Variants in CACNA2D1 observed in about 807,000 individuals in gnomAD.
CACNA2D1 encodes voltage-dependent calcium channel subunit alpha-2/delta-1.
CACNA2D1 carries 53 observed loss-of-function variants against 171.5 expected under a neutral mutation model. The ratio of observed to expected loss-of-function variants is 0.31; its 90% CI spans 0.25 to 0.39. CACNA2D1 has a LOEUF of 0.39. Ranked by LOEUF, CACNA2D1 falls within the 10% of genes least tolerant of loss-of-function variation. The pLI, the probability that CACNA2D1 is intolerant of heterozygous loss-of-function variation, is 1.00. For missense variants in CACNA2D1, 903 were observed against 1,299.8 expected (o/e 0.69, Z 4.69); for synonymous variants, 442 against 443.1 (o/e 1.00, Z 0.03).
At position 82,052,929 on chromosome 7, in the gene CACNA2D1, T is replaced by G. The variant is rs1325948722; in HGVS notation, c.879+7499A>C. On this transcript the variant is annotated intron_variant, in intron 10 of 38. Transcript: ENST00000356860. ...GGGTTGCTGTAAAGACTAAACAAAT[T>G]ACTATGAAAAACACTTAGAACAGTG... Among the ~76,000 whole-genome samples the G allele has an allele frequency of 2.6e-5, 4 of 152,104 alleles. No individual in the cohort carries two copies. In the East Asian group the frequency reaches 5.8e-4, roughly 22 times the overall value.
chr7:82,177,406 T>C (rs1392567785), intron 3 of CACNA2D1, among the ~76,000 whole-genome samples: 4 of 152,044 alleles, frequency 2.6e-5, no homozygotes, highest in Non-Finnish European at 5.9e-5. Flanking sequence ...ATAGGCTACA[T>C]GCAAAGAGAA....
At chr7:82,192,481 T>A (rs1798419215) in intron 3 of CACNA2D1, among the ~76,000 whole-genome samples, 1 of 112,118 alleles carries the variant, frequency 8.9e-6, no homozygotes, top group South Asian at 3.0e-4. Flanking sequence ...TGTGTGTGTG[T>A]GTGTGTGTGT....
Position 82,001,710 on chromosome 7 carries a change from A to G in CACNA2D1, c.1590+3713T>C, listed in dbSNP as rs1486871415. 2.4e-6 allele frequency: 3 copies of G among 1,233,062 alleles called. No individual in the cohort carries two copies. In the South Asian group the frequency reaches 3.7e-5, roughly 15 times the overall value. The allele number at this position is 1,233,062 out of a possible 1,614,324, so 76.4% of individuals were successfully genotyped here. A position where few individuals can be genotyped will look rare whatever the true frequency, so the allele number is the denominator to read the frequency against. ...AATTAATTGTTGGTATACCTACACC[A>G]ATAGGCTGAAGCAACAGAAAAATGG... On this transcript the variant is annotated intron_variant, in intron 18 of 38. Coordinates refer to ENST00000356860, the MANE Select transcript of CACNA2D1 (RefSeq NM_000722.4).
rs1584331322 is a variant in CACNA2D1 at position 81,994,935 on chromosome 7, C to T, written c.1667G>A (p.Arg556Gln). ...ACTTTCCCCATCAATCATCTTATTT[C>T]GAATCTAAGAGTAAATGAAACAACT... Reference protein sequence around the residue: ...ELENDIKVEIRNKMIDGESGE... With the variant: ...ELENDIKVEIQNKMIDGESGE... Residue 556 changes from arginine to glutamine, a missense_variant, in exon 20 of 39, where the codon CGA becomes CAA. Physicochemically the swap from Arg to Gln is conservative, Grantham distance 43. This residue lies in a region of CACNA2D1 where 623 missense variants were observed against 925.5 expected (regional missense o/e 0.67). Transcript: ENST00000356860. 1.3e-6 allele frequency: 2 copies of T among 1,511,372 alleles called. No individual in the cohort carries two copies. Among genetic ancestry groups the T allele is most frequent in the South Asian group, 1.1e-5 (1 of 88,838 alleles). 93.6% of individuals were successfully genotyped at this position (1,511,372 alleles called of 1,614,324 possible).
intron 3 of CACNA2D1, among the ~76,000 whole-genome samples, chr7:82,204,412 C>T (rs559445353): frequency 3.7e-4 from 56 of 152,288 alleles, no homozygotes; most frequent in African/African-American, 1.3e-3. Context: ...CCTTCTCCAA[C>T]CAGGTATGCG....
intron 1 of CACNA2D1, among the ~76,000 whole-genome samples, chr7:82,418,719 A>T (rs575193033): frequency 1.3e-3 from 199 of 152,242 alleles, no homozygotes; most frequent in Non-Finnish European, 1.9e-3. Context: ...CATTTACAGA[A>T]AAAGTAGACC....
chr7:82,414,431 T>A (rs969666747), intron 1 of CACNA2D1, among the ~76,000 whole-genome samples: 4 of 152,134 alleles, frequency 2.6e-5, no homozygotes, highest in Non-Finnish European at 5.9e-5. Flanking sequence ...CACACACATA[T>A]TACAGAAGTG....
At chr7:82,392,504 C>T (rs950443735) in intron 1 of CACNA2D1, among the ~76,000 whole-genome samples, 5 of 152,206 alleles carry the variant, frequency 3.3e-5, no homozygotes, top group Non-Finnish European at 7.3e-5. Flanking sequence ...GGGGCTGGGA[C>T]ACACTCTGCC....
intron 38 of CACNA2D1, among the ~76,000 whole-genome samples, chr7:81,954,286 AAG>A (rs1407236596): frequency 2.0e-5 from 3 of 151,976 alleles, no homozygotes; most frequent in African/African-American, 7.2e-5. Flanking sequence ...AAAATGGAAA[AAG>A]AATGCAGTGC....
chr7:82,011,861 T>TA (rs982558401), intron 15 of CACNA2D1, among the ~76,000 whole-genome samples: 68 of 152,272 alleles, frequency 4.5e-4, no homozygotes, highest in African/African-American at 1.6e-3. Flanking sequence ...CATTAACAAT[T>TA]AAAAAACTTA....
At chr7:82,356,405 C>T (rs953928144) in intron 1 of CACNA2D1, among the ~76,000 whole-genome samples, 1 of 152,134 alleles carries the variant, frequency 6.6e-6, no homozygotes, top group Non-Finnish European at 1.5e-5. Flanking sequence ...GGATAAATCA[C>T]ACTAATATTC....
chr7:82,443,216 C>T, intron 1 of CACNA2D1, 149 bp downstream of exon 1: 2 of 680,740 alleles, frequency 2.9e-6, no homozygotes, highest in Non-Finnish European at 4.4e-6. Flanking sequence ...GCACCGCCTG[C>T]CCGGCGTCTC....
intron 3 of CACNA2D1, among the ~76,000 whole-genome samples, chr7:82,296,837 A>G (rs561584901): frequency 1.1e-4 from 16 of 152,196 alleles, no homozygotes; most frequent in Non-Finnish European, 1.9e-4. Flanking sequence ...AATCTATGAG[A>G]TTTAAAATTA....
chr7:82,033,571 C>T (rs1488519122), intron 11 of CACNA2D1, among the ~76,000 whole-genome samples: 4 of 152,016 alleles, frequency 2.6e-5, no homozygotes, highest in African/African-American at 9.7e-5. Context: ...TAACACTGGT[C>T]ACCTAAAATG....
intron 1 of CACNA2D1, among the ~76,000 whole-genome samples, chr7:82,362,461 A>G (rs1484015607): frequency 6.6e-6 from 1 of 152,298 alleles, no homozygotes; most frequent in East Asian, 1.9e-4. Context: ...GAGAGGCTGA[A>G]TGGACTCCTT....
chr7:81,965,813 T>G (rs184290216), intron 31 of CACNA2D1, 148 bp from the exon 32 acceptor site: 102 of 645,474 alleles, frequency 1.6e-4, no homozygotes, highest in Middle Eastern at 1.5e-3. Context: ...CATTAAATTC[T>G]GGTGAAATAA....
chr7:82,139,315 C>T (rs1792077351), intron 4 of CACNA2D1, among the ~76,000 whole-genome samples: 1 of 152,134 alleles, frequency 6.6e-6, no homozygotes, highest in South Asian at 2.1e-4. Context: ...AGAAGGGTTA[C>T]AAGTATGATT....
At chr7:82,116,558 A>G (rs1172170116) in intron 6 of CACNA2D1, among the ~76,000 whole-genome samples, 3 of 152,182 alleles carry the variant, frequency 2.0e-5, no homozygotes, top group African/African-American at 7.2e-5. Flanking sequence ...CCTATATCCT[A>G]GGGTAAGGCA....
At chr7:82,441,004 G>T (rs1378129258) in intron 1 of CACNA2D1, among the ~76,000 whole-genome samples, 1 of 150,210 alleles carries the variant, frequency 6.7e-6, no homozygotes, top group Non-Finnish European at 1.5e-5. Context: ...TAATGATTCC[G>T]AGAGAAATTT....
Sources: gnomAD v4.1 joint callset for allele counts (sites outside exome capture counted in the v4.1 genomes callset) on GRCh38, gnomAD v4.1.1 for gene constraint, gnomAD v4.1.1 regional missense constraint, MANE v1.5 for transcripts, NCBI Gene and HGNC (gene_info 2026-07-23, HGNC 2026-07-21) for gene names.